PLEKHM3: variants seen among roughly 807,000 people sequenced by gnomAD.
The protein encoded by PLEKHM3 is pleckstrin homology domain-containing family M member 3.
In PLEKHM3, 45 loss-of-function variants were observed where a neutral mutation model predicts 81.8. The observed-to-expected ratio is 0.55, with a 90% confidence interval of 0.43 to 0.71. The LOEUF (loss-of-function observed/expected upper bound fraction) is 0.71, where lower values mean the gene tolerates loss of function less well. Ranked by LOEUF, PLEKHM3 falls within the 30% of genes least tolerant of loss-of-function variation. The pLI, the probability that PLEKHM3 is intolerant of heterozygous loss-of-function variation, is 0.00. For synonymous variants in PLEKHM3, 352 were observed against 356.4 expected, an observed-to-expected ratio of 0.99 and a Z score of 0.14; for missense variants, 788 against 924.3, an observed-to-expected ratio of 0.85 and a Z score of 1.91.
intron 6 of PLEKHM3, among the ~76,000 whole-genome samples, chr2:207,862,797 A>T (rs183004313): frequency 3.7e-4 from 57 of 152,358 alleles, no homozygotes; most frequent in Admixed American, 3.2e-3. Context: ...TAAAAAATGA[A>T]GCTATACATA....
In PLEKHM3 at chr2:208,001,644, C is replaced by T; in HGVS notation, c.-5G>A. On this transcript the variant is annotated 5_prime_UTR_variant, in exon 2 of 8. It adds an upstream start codon to the 5' untranslated region. Coordinates refer to ENST00000427836, the MANE Select transcript of PLEKHM3 (RefSeq NM_001080475.3). ...ATCCACTTCCAAAGCTTCCATGTCA[C>T]AGGCTCCAGGAGGCCTTAGCCTCCT... is the stretch of plus-strand genomic sequence containing the variant. The T allele has an allele frequency of 6.2e-7, 1 of 1,611,280 alleles. No homozygotes were observed. Among genetic ancestry groups the T allele is most frequent in the Non-Finnish European group, 8.5e-7 (1 of 1,178,762 alleles).
At chr2:207,838,461 A>G (rs975843144) in intron 7 of PLEKHM3, among the ~76,000 whole-genome samples, 1 of 152,226 alleles carries the variant, frequency 6.6e-6, no homozygotes, top group African/African-American at 2.4e-5. Flanking sequence ...ATAGAATGTA[A>G]ATAAGGGTTA....
chr2:207,925,945 GACCGAGTT>G lies in PLEKHM3; in HGVS notation c.1886+4973_1886+4980del, dbSNP rs1255610264. 5.9e-5 allele frequency among the ~76,000 whole-genome samples: 9 copies of G among 151,966 alleles called. No homozygotes were observed. The East Asian group carries it at 9.6e-4, about 16-fold the overall frequency. ...CGGCATCCTTTGAGATGAACTTCCT[GACCGAGTT>G]ACGGATCTAGTATCTGAGACATCGA... On this transcript the variant is annotated intron_variant, in intron 5 of 7. Coordinates refer to ENST00000427836, the MANE Select transcript of PLEKHM3 (RefSeq NM_001080475.3).
intron 4 of PLEKHM3, among the ~76,000 whole-genome samples, chr2:207,944,163 A>C (rs1690042895): frequency 6.6e-6 from 1 of 152,200 alleles, no homozygotes; most frequent in Admixed American, 6.5e-5. Context: ...GGCAGAGGAC[A>C]AGAAATTAGA....
intron 3 of PLEKHM3, among the ~76,000 whole-genome samples, chr2:207,974,388 C>T (rs577921582): frequency 6.6e-6 from 1 of 152,322 alleles, no homozygotes; most frequent in African/African-American, 2.4e-5. Context: ...ATGGGCAGTG[C>T]ACACTCCATC....
At chr2:207,879,746 G>A (rs989849569) in intron 6 of PLEKHM3, among the ~76,000 whole-genome samples, 1 of 152,154 alleles carries the variant, frequency 6.6e-6, no homozygotes, top group Admixed American at 6.5e-5. Flanking sequence ...CTAAACAAGA[G>A]GACAACGGAG....
At chr2:207,860,319 A>T (rs1258558726) in intron 7 of PLEKHM3, among the ~76,000 whole-genome samples, 1 of 151,970 alleles carries the variant, frequency 6.6e-6, no homozygotes, top group African/African-American at 2.4e-5. Context: ...GGGCTGAGTC[A>T]ACTCTCAATA....
chr2:207,957,499 C>A (rs1376768247), intron 3 of PLEKHM3, among the ~76,000 whole-genome samples: 3 of 152,192 alleles, frequency 2.0e-5, no homozygotes, highest in Non-Finnish European at 2.9e-5. Context: ...GAGTTCAAGA[C>A]CAGCCTGGCC....
In PLEKHM3 at chr2:207,976,830, T is replaced by C. The variant is rs1043098386; in HGVS notation, c.1367A>G (p.Asn456Ser). The change falls in exon 3 of 8, where the codon AAT becomes AGT. Residue 456 changes from asparagine (N) to serine (S), a missense_variant. Physicochemically the swap from Asn to Ser is conservative, Grantham distance 46. Transcript: ENST00000427836. This position sits in a 1 kb window ranked among gnomAD's most constrained non-coding sequence, Gnocchi z 4.1. The part of the protein sequence containing the change: ...EWMEALKIAA[N>S]VARSSEQNLQ... ...GTTTTGCTCTGAACTCCTCGCCACA[T>C]TGGCAGCTATCTTCAGAGCCTCCAT... The C allele has an allele frequency of 4.3e-6, 7 of 1,614,120 alleles. No homozygotes were observed. In the African/African-American group the frequency reaches 5.3e-5, roughly 12 times the overall value.
intron 4 of PLEKHM3, among the ~76,000 whole-genome samples, chr2:207,939,300 G>C (rs1689858929): frequency 6.6e-6 from 1 of 152,176 alleles, no homozygotes; most frequent in Non-Finnish European, 1.5e-5. Context: ...GTCTGGTAGA[G>C]AGGAAAGAAA....
Position 207,921,976 on chromosome 2 carries a change from T to A in PLEKHM3, c.1886+8950A>T, listed in dbSNP as rs567366027. Among the ~76,000 whole-genome samples, 3 of 152,340 alleles carry A rather than the reference T, an allele frequency of 2.0e-5. No homozygotes were observed. The South Asian group carries it at 6.2e-4, about 32-fold the overall frequency. ...GCAGATATCCATTTGACATAATGAT[T>A]TCCTTTCTTTTGGCTATACACCCAG... On this transcript the variant is annotated intron_variant, in intron 5 of 7. Coordinates refer to ENST00000427836, the MANE Select transcript of PLEKHM3 (RefSeq NM_001080475.3).
At chr2:207,913,176 T>C (rs1407222648) in intron 5 of PLEKHM3, among the ~76,000 whole-genome samples, 2 of 151,850 alleles carry the variant, frequency 1.3e-5, no homozygotes, top group Non-Finnish European at 2.9e-5. Context: ...AGCTCAGATG[T>C]TGGGGCAGAC....
chr2:207,834,742 C>T (rs1314597515), intron 7 of PLEKHM3, among the ~76,000 whole-genome samples: 1 of 151,848 alleles, frequency 6.6e-6, no homozygotes, highest in African/African-American at 2.4e-5. Flanking sequence ...TCAATTCTAC[C>T]TAAAAGCCGT....
intron 6 of PLEKHM3, among the ~76,000 whole-genome samples, chr2:207,886,125 G>A (rs1395109566): frequency 6.6e-6 from 1 of 152,034 alleles, no homozygotes; most frequent in African/African-American, 2.4e-5. Flanking sequence ...CACAAAAAAA[G>A]GGGATTTTAA....
intron 3 of PLEKHM3, among the ~76,000 whole-genome samples, chr2:207,950,320 C>A (rs1210616166): frequency 6.6e-6 from 1 of 152,202 alleles, no homozygotes; most frequent in Non-Finnish European, 1.5e-5. Flanking sequence ...AGTCTAAAGG[C>A]AGGAAGCCTG....
rs2092260786 is a variant in PLEKHM3 at position 207,827,922 on chromosome 2, A to G, written c.*397T>C. The G allele has an allele frequency of 6.5e-6, 1 of 152,928 alleles. No individual in the cohort carries two copies. The highest frequency in any genetic ancestry group is 6.5e-5 in the Admixed American group (1 of 15,300). The allele number at this position is 152,928 out of a possible 1,614,324, so 9.5% of individuals were successfully genotyped here. A position where few individuals can be genotyped will look rare whatever the true frequency, so the allele number is the denominator to read the frequency against. On this transcript the variant is annotated 3_prime_UTR_variant, in exon 8 of 8. Transcript: ENST00000427836. The stretch of plus-strand genomic sequence containing the variant: ...AAAATAAATAACACAAAAATAACCT[A>G]AAGCACTGTTTTGTGCAGGAAATGC...
At chr2:208,018,539 A>G (rs574493495) in intron 1 of PLEKHM3, among the ~76,000 whole-genome samples, 6 of 152,230 alleles carry the variant, frequency 3.9e-5, no homozygotes, top group Non-Finnish European at 7.4e-5. Context: ...AATAAACATC[A>G]TTCTTGATCC....
intron 3 of PLEKHM3, among the ~76,000 whole-genome samples, chr2:207,946,727 G>A (rs1029922984): frequency 3.3e-5 from 5 of 152,128 alleles, no homozygotes; most frequent in Admixed American, 6.5e-5. Flanking sequence ...TGCTGTAAGG[G>A]TCATCAACTG....
At position 207,826,378 on chromosome 2, in the gene PLEKHM3, G is replaced by A. The variant is rs2092251415; in HGVS notation, c.*1941C>T. The A allele has an allele frequency of 6.6e-6, 1 of 152,200 alleles. No homozygotes were observed. The highest frequency in any genetic ancestry group is 6.5e-5 in the Admixed American group (1 of 15,276). 9.4% of individuals were successfully genotyped at this position (152,200 alleles called of 1,614,324 possible). On this transcript the variant is annotated 3_prime_UTR_variant, in exon 8 of 8. Coordinates refer to ENST00000427836, the MANE Select transcript of PLEKHM3 (RefSeq NM_001080475.3). ...TGAGATTTTCCACCCTTTTTCTTTTGTGTGCAACATTCTCTTTAACTAGAG... is the reference window on the plus strand; with the variant it reads ...TGAGATTTTCCACCCTTTTTCTTTTATGTGCAACATTCTCTTTAACTAGAG...
Sources: gnomAD v4.1 joint callset for allele counts (sites outside exome capture counted in the v4.1 genomes callset) on GRCh38, gnomAD v4.1.1 for gene constraint, Gnocchi (gnomAD v3.1) non-coding constraint, MANE v1.5 for transcripts, NCBI Gene and HGNC (gene_info 2026-07-23, HGNC 2026-07-21) for gene names.